Variants in PDE1C observed in about 807,000 individuals in gnomAD.
PDE1C encodes the protein phosphodiesterase 1C, also known as dual specificity calcium/calmodulin-dependent 3',5'-cyclic nucleotide phosphodiesterase 1C.
PDE1C carries 62 observed loss-of-function variants against 93.1 expected under a neutral mutation model. The observed-to-expected ratio is 0.67, with a 90% CI of 0.54 to 0.82. PDE1C has a LOEUF of 0.82. PDE1C is among the 40% of genes least tolerant of loss of function. The pLI is 0.00. For missense variants in PDE1C, 742 were observed against 884.6 expected (o/e 0.84, Z 2.04); for synonymous variants, 325 against 310.1 (o/e 1.05, Z -0.50).
chr7:32,309,925 A>G (rs1813127419), intron 1 of PDE1C, among the ~76,000 whole-genome samples: 1 of 152,238 alleles, frequency 6.6e-6, no homozygotes, highest in Admixed American at 6.5e-5. Flanking sequence ...TAAATGGACT[A>G]AATGCTCCAA....
At chr7:31,834,002 G>T (rs1790757338) in intron 11 of PDE1C, among the ~76,000 whole-genome samples, 1 of 152,202 alleles carries the variant, frequency 6.6e-6, no homozygotes, top group East Asian at 1.9e-4. Context: ...GGGACTTGGT[G>T]CCCTGCATCC....
At chr7:32,027,818 T>C (rs566458331) in intron 2 of PDE1C, among the ~76,000 whole-genome samples, 1 of 151,814 alleles carries the variant, frequency 6.6e-6, no homozygotes, top group Non-Finnish European at 1.5e-5. Flanking sequence ...AATTCTTCAT[T>C]TGATGTTTCC....
intron 1 of PDE1C, among the ~76,000 whole-genome samples, chr7:32,305,394 A>G (rs1345310075): frequency 6.6e-6 from 1 of 152,030 alleles, no homozygotes; most frequent in Non-Finnish European, 1.5e-5. Flanking sequence ...TTCTCATTCC[A>G]TTCCCTCTTT....
chr7:31,870,885 A>G (rs537188842), intron 6 of PDE1C, among the ~76,000 whole-genome samples: 5 of 151,890 alleles, frequency 3.3e-5, no homozygotes, highest in African/African-American at 9.6e-5. Context: ...TAACCAAAAC[A>G]CTATATATTA....
intron 1 of PDE1C, among the ~76,000 whole-genome samples, chr7:32,295,341 A>G (rs768337566): frequency 5.3e-5 from 8 of 152,210 alleles, no homozygotes; most frequent in Admixed American, 2.6e-4. Flanking sequence ...CTGACGGGTC[A>G]GGGCAGATGT....
the PDE1C span, among the ~76,000 whole-genome samples, chr7:31,671,098 C>T: frequency 5.9e-5 from 9 of 152,276 alleles, no homozygotes; most frequent in African/African-American, 7.2e-5. Flanking sequence ...TTTGTTCATG[C>T]GACCTAATTC....
chr7:31,750,065 C>A (rs1794089697), downstream of PDE1C, among the ~76,000 whole-genome samples: 1 of 152,118 alleles, frequency 6.6e-6, no homozygotes, highest in Non-Finnish European at 1.5e-5. Context: ...ATAGTTGATT[C>A]TGCTGTGCTA....
the PDE1C span, among the ~76,000 whole-genome samples, chr7:31,703,190 G>A: frequency 6.6e-6 from 1 of 152,222 alleles, no homozygotes; most frequent in Non-Finnish European, 1.5e-5. Flanking sequence ...ACAAATGTTA[G>A]TTCCTTCCAT....
intron 2 of PDE1C, among the ~76,000 whole-genome samples, chr7:31,883,059 C>G (rs1797438994): frequency 6.6e-6 from 1 of 152,062 alleles, no homozygotes; most frequent in Non-Finnish European, 1.5e-5. Flanking sequence ...TACAAAGTAA[C>G]AAAAAATTGT....
At chr7:31,804,694 T>G (rs1367895106) in intron 16 of PDE1C, among the ~76,000 whole-genome samples, 1 of 151,882 alleles carries the variant, frequency 6.6e-6, no homozygotes, top group Non-Finnish European at 1.5e-5. Context: ...TGGCTTCTCT[T>G]TGGCATATGT....
At chr7:31,825,511 G>A (rs961982329) in intron 12 of PDE1C, among the ~76,000 whole-genome samples, 1 of 152,148 alleles carries the variant, frequency 6.6e-6, no homozygotes. Context: ...GCTTCTAAGT[G>A]TTCAGATAGA....
intron 1 of PDE1C, among the ~76,000 whole-genome samples, chr7:32,323,756 G>C (rs1056721085): frequency 1.3e-5 from 2 of 152,204 alleles, no homozygotes; most frequent in Non-Finnish European, 2.9e-5. Context: ...TGCCCAATTA[G>C]GACCTGAGGA....
intron 1 of PDE1C, among the ~76,000 whole-genome samples, chr7:32,365,268 C>A (rs1784208878): frequency 6.6e-6 from 1 of 152,146 alleles, no homozygotes; most frequent in Admixed American, 6.5e-5. Flanking sequence ...AATCTCCAAG[C>A]TAGCCAAGCA....
the PDE1C span, among the ~76,000 whole-genome samples, chr7:31,709,233 C>A: frequency 1.3e-5 from 2 of 152,146 alleles, no homozygotes; most frequent in African/African-American, 4.8e-5. Flanking sequence ...AGAAAGTAGA[C>A]CAGCTGTTGT....
At chr7:32,306,829 T>C (rs920130287) in intron 1 of PDE1C, among the ~76,000 whole-genome samples, 12 of 152,078 alleles carry the variant, frequency 7.9e-5, no homozygotes, top group South Asian at 4.1e-4. Context: ...ACTTAGGAAG[T>C]ATCAGAAAGG....
At chr7:31,976,442 A>G (rs749550350) in intron 2 of PDE1C, among the ~76,000 whole-genome samples, 14 of 152,230 alleles carry the variant, frequency 9.2e-5, no homozygotes, top group Non-Finnish European at 1.8e-4. Flanking sequence ...AATTAAATTC[A>G]TAAGTATGTG....
At chr7:31,651,457 C>T in the PDE1C span, among the ~76,000 whole-genome samples, 95 of 152,068 alleles carry the variant, frequency 6.2e-4, no homozygotes, top group Non-Finnish European at 1.2e-3. Context: ...TGCTAGATAG[C>T]AATACTTATT....
chr7:31,935,389 A>G (rs1804899315), intron 2 of PDE1C, among the ~76,000 whole-genome samples: 1 of 152,122 alleles, frequency 6.6e-6, no homozygotes, highest in African/African-American at 2.4e-5. Flanking sequence ...CCTTTTACAG[A>G]ACCTCCCTCC....
intron 1 of PDE1C, among the ~76,000 whole-genome samples, chr7:32,221,661 A>G (rs991875253): frequency 2.0e-5 from 3 of 152,226 alleles, no homozygotes; most frequent in African/African-American, 7.2e-5. Flanking sequence ...CTAAGAGCTC[A>G]TTGGAAAGCC....
Sources: allele counts gnomAD v4.1 joint callset (sites outside exome capture counted in the v4.1 genomes callset), GRCh38; gene constraint gnomAD v4.1.1; transcripts MANE v1.5; gene names NCBI Gene and HGNC (gene_info 2026-07-23, HGNC 2026-07-21).